Variants in CSTL1 observed in about 807,000 individuals in gnomAD.
CSTL1 encodes cystatin-like 1.
Under a neutral mutation model 14.4 loss-of-function variants are expected in CSTL1, and 14 were observed. The ratio of observed to expected loss-of-function variants is 0.97; its 90% CI spans 0.64 to 1.52. CSTL1 has a LOEUF of 1.52. CSTL1 is among the 40% of genes most tolerant of loss of function. The pLI is 0.00. For synonymous variants in CSTL1, 72 were observed against 67.5 expected (o/e 1.07, Z -0.33); for missense variants, 170 against 168.7 (o/e 1.01, Z -0.04).
At chr20:23,451,174 C>T in the CSTL1 span, among the ~76,000 whole-genome samples, 21 of 152,350 alleles carry the variant, frequency 1.4e-4, no homozygotes, top group South Asian at 1.4e-3. Flanking sequence ...TGCTTCCTCT[C>T]CCTCAGTGCA....
In CSTL1 at chr20:23,444,761, T is replaced by C. The variant is rs761824531; in HGVS notation, c.331-10T>C. The C allele has an allele frequency of 4.4e-6, 7 of 1,582,264 alleles. No individual in the cohort carries two copies. Among genetic ancestry groups the C allele is most frequent in the African/African-American group, 1.3e-5 (1 of 74,278 alleles). On this transcript the variant is annotated splice_polypyrimidine_tract_variant and intron_variant, in intron 3 of 3. Transcript: ENST00000347397. Reference sequence around the variant, plus strand: ...TTCCCCCAAAGTCTGTTTTCTTTCTTCTTCTACAGAGTTTAATTTGCGAGT... The same window carrying C: ...TTCCCCCAAAGTCTGTTTTCTTTCTCCTTCTACAGAGTTTAATTTGCGAGT...
chr20:23,444,187 C>G (rs1372237195), intron 3 of CSTL1, 143 bp downstream of exon 3: 3 of 681,674 alleles, frequency 4.4e-6, no homozygotes, highest in East Asian at 5.4e-5. Context: ...TCCTGAGGCA[C>G]CTGGGTGAAG....
chr20:23,441,404 C>T (rs1280367119), intron 2 of CSTL1, among the ~76,000 whole-genome samples: 1 of 152,176 alleles, frequency 6.6e-6, no homozygotes, highest in African/African-American at 2.4e-5. Context: ...TGTTAGGGAA[C>T]CCCTTTTATT....
downstream of CSTL1, among the ~76,000 whole-genome samples, chr20:23,446,167 A>G (rs541254249): frequency 4.6e-5 from 7 of 152,342 alleles, no homozygotes; most frequent in South Asian, 8.3e-4. Flanking sequence ...CTCATGCAGG[A>G]AAAGTTTTCT....
downstream of CSTL1, among the ~76,000 whole-genome samples, chr20:23,448,690 CT>C (rs1423390149): frequency 6.6e-6 from 1 of 152,210 alleles, no homozygotes; most frequent in Non-Finnish European, 1.5e-5. Context: ...TCCACCTTCT[CT>C]TTTTAATCTC....
rs1281512075 is a variant in CSTL1 at position 23,440,506 on chromosome 20, A to G, written c.219+20A>G. ...ATGCAGGTTTGTACCTTGCTCTCCC[A>G]AGACATCAGCAGGCCCTGTTCTTGC... On this transcript the variant is annotated intron_variant, in intron 2 of 3. Transcript: ENST00000347397. The G allele has an allele frequency of 6.4e-7, 1 of 1,561,818 alleles. No individual in the cohort carries two copies. The highest frequency in any genetic ancestry group is 8.8e-7 in the Non-Finnish European group (1 of 1,132,542).
rs6083126 is a variant in CSTL1 at position 23,443,929 on chromosome 20, G to A, written c.220-5G>A. The stretch of plus-strand genomic sequence containing the variant: ...CACACTAACAGCACAACTGATTCTC[G>A]GCAGCTGACGACGGGAGTGGAGTAT... On this transcript the variant is annotated splice_region_variant and splice_polypyrimidine_tract_variant and intron_variant, in intron 2 of 3. Transcript: ENST00000347397. 54 of 1,610,198 alleles carry A rather than the reference G, an allele frequency of 3.4e-5. No individual in the cohort carries two copies. The African/African-American group carries it at 4.1e-4, about 12-fold the overall frequency.
downstream of CSTL1, among the ~76,000 whole-genome samples, chr20:23,445,458 T>C (rs936510103): frequency 4.6e-5 from 7 of 152,278 alleles, no homozygotes; most frequent in Middle Eastern, 3.4e-3. Flanking sequence ...AATATCTCCC[T>C]TTCTTGCCTA....
chr20:23,457,949 G>A, the CSTL1 span, among the ~76,000 whole-genome samples: 1 of 152,104 alleles, frequency 6.6e-6, no homozygotes, highest in Non-Finnish European at 1.5e-5. Flanking sequence ...TCTCTTGGGA[G>A]GCCCAGAGTC....
downstream of CSTL1, among the ~76,000 whole-genome samples, chr20:23,446,743 A>C (rs1293870523): frequency 6.6e-6 from 1 of 152,330 alleles, no homozygotes; most frequent in Admixed American, 6.5e-5. Context: ...AGCCACAGAC[A>C]ATGGCTGACA....
intron 3 of CSTL1, 107 bp from the exon 4 acceptor site, chr20:23,444,664 C>A: frequency 1.4e-6 from 1 of 704,100 alleles, no homozygotes; most frequent in Non-Finnish European, 2.5e-6. Context: ...CCCTCTCTGC[C>A]CATGGGGTTC....
At chr20:23,449,105 T>C (rs1987021988), downstream of CSTL1, among the ~76,000 whole-genome samples, 1 of 152,198 alleles carries the variant, frequency 6.6e-6, no homozygotes, top group African/African-American at 2.4e-5. Context: ...TGAGAACTGG[T>C]GTTGCTGACG....
At chr20:23,444,977 A>T, downstream of CSTL1, 4 of 792,736 alleles carry the variant, frequency 5.0e-6, no homozygotes, top group Non-Finnish European at 6.6e-6. Context: ...ACACACATGC[A>T]CACACAGAGT....
At chr20:23,446,011 C>T (rs761724), downstream of CSTL1, among the ~76,000 whole-genome samples, 54,781 of 151,982 alleles carry the variant, frequency 0.36, 9,805 homozygotes, top group Admixed American at 0.39. Context: ...TCCTTAAGAC[C>T]CAGCAGCCAG....
At chr20:23,455,504 C>T in the CSTL1 span, among the ~76,000 whole-genome samples, 4 of 152,226 alleles carry the variant, frequency 2.6e-5, no homozygotes, top group Non-Finnish European at 5.9e-5. Context: ...ATGTAAGCAT[C>T]TAGCACGTGG....
In CSTL1 at chr20:23,440,595, G is replaced by T. The variant is rs752191622; in HGVS notation, c.219+109G>T. The T allele has an allele frequency of 4.1e-5, 34 of 825,296 alleles. No individual in the cohort carries two copies. The South Asian group carries it at 4.4e-4, about 11-fold the overall frequency. The allele number at this position is 825,296 out of a possible 1,614,324, so 51.1% of individuals were successfully genotyped here. ...AGAACCAAGTGGTGGTCCTCCGTGA[G>T]GTCCCAAGGGGGAAGCATCTTCACT... On this transcript the variant is annotated intron_variant, in intron 2 of 3. Coordinates refer to ENST00000347397, the MANE Select transcript of CSTL1 (RefSeq NM_138283.1).
At chr20:23,442,060 C>G (rs776500913) in intron 2 of CSTL1, among the ~76,000 whole-genome samples, 19 of 152,232 alleles carry the variant, frequency 1.2e-4, no homozygotes, top group Non-Finnish European at 2.5e-4. Flanking sequence ...TGGTTAAGAC[C>G]CCAAGGAGGC....
chr20:23,440,097 G>A (rs2123309074), intron 1 of CSTL1, 47 bp from the exon 2 acceptor site: 1 of 672,530 alleles, frequency 1.5e-6, no homozygotes, highest in East Asian at 2.8e-5. Context: ...TGAACTGGCT[G>A]GAAACTGAGT....
downstream of CSTL1, among the ~76,000 whole-genome samples, chr20:23,445,342 C>G (rs1986945554): frequency 6.6e-6 from 1 of 151,614 alleles, no homozygotes; most frequent in South Asian, 2.1e-4. Context: ...GCCTTGACTT[C>G]CCCGGGCTCA....
Sources: gnomAD v4.1 joint callset for allele counts (sites outside exome capture counted in the v4.1 genomes callset) on GRCh38, gnomAD v4.1.1 for gene constraint, MANE v1.5 for transcripts, NCBI Gene and HGNC (gene_info 2026-07-23, HGNC 2026-07-21) for gene names.